Variants in TNC observed in about 807,000 individuals in gnomAD.
TNC encodes the protein tenascin.
TNC carries 109 observed loss-of-function variants against 202.4 expected under a neutral mutation model. That is an observed-to-expected ratio of 0.54 (90% CI 0.46 to 0.63). The LOEUF is 0.63. TNC is among the 30% of genes least tolerant of loss of function. The pLI, the probability that TNC is intolerant of heterozygous loss-of-function variation, is 0.00. For synonymous variants in TNC, 1,007 were observed against 1,089.7 expected (o/e 0.92, Z 1.50); for missense variants, 2,756 against 2,833.3 (o/e 0.97, Z 0.62).
At chr9:115,038,701 G>A (rs1830513903) in intron 19 of TNC, among the ~76,000 whole-genome samples, 1 of 152,218 alleles carries the variant, frequency 6.6e-6, no homozygotes, top group Non-Finnish European at 1.5e-5. Context: ...GAACAAGGCT[G>A]AACACATGAC....
In TNC at chr9:115,020,321, G is replaced by C. The variant is rs557268382; in HGVS notation, c.*836C>G. 2 of 150,498 alleles carry C rather than the reference G, an allele frequency of 1.3e-5. No homozygotes were observed. Among genetic ancestry groups the C allele is most frequent in the South Asian group, 2.1e-4 (1 of 4,764 alleles). The allele number at this position is 150,498 out of a possible 1,614,324, so 9.3% of individuals were successfully genotyped here. A position where few individuals can be genotyped will look rare whatever the true frequency, so the allele number is the denominator to read the frequency against. On this transcript the variant is annotated 3_prime_UTR_variant, in exon 28 of 28. Coordinates refer to ENST00000350763, the MANE Select transcript of TNC (RefSeq NM_002160.4). ...TCCCACCTTGGCCTCCCAAAGTGTT[G>C]GGATTACAGGCCTGGCCTGTAAGCT... is the stretch of plus-strand genomic sequence containing the variant.
rs150824308 is a variant in TNC, at chr9:115,029,329, T to G, written c.6169+31A>C. The G allele has an allele frequency of 3.6e-5, 58 of 1,605,392 alleles. No individual in the cohort carries two copies. In the Middle Eastern group the frequency reaches 6.6e-4, roughly 18 times the overall value. The stretch of plus-strand genomic sequence containing the variant: ...GTGACAAGGAGGGCAGAATCAGGCA[T>G]TTTAGATATAAACATGCAGGGCTGC... On this transcript the variant is annotated intron_variant, in intron 25 of 27. Transcript: ENST00000350763.
At chr9:115,036,306 C>A (rs1830329269) in intron 20 of TNC, 65 bp from the exon 21 acceptor site, 1 of 1,570,772 alleles carries the variant, frequency 6.4e-7, no homozygotes, top group Admixed American at 1.7e-5. Flanking sequence ...GTGGGCTTGG[C>A]AAACCACATA....
chr9:115,085,588 C>T (rs1429672878), intron 3 of TNC, among the ~76,000 whole-genome samples: 3 of 152,138 alleles, frequency 2.0e-5, no homozygotes, highest in Non-Finnish European at 2.9e-5. Context: ...GTTAGGCAGA[C>T]TTGAATACCA....
chr9:115,042,612 G>A (rs779840776), intron 17 of TNC, among the ~76,000 whole-genome samples: 27 of 152,292 alleles, frequency 1.8e-4, no homozygotes, highest in East Asian at 3.9e-4. Context: ...CCAAGGAATC[G>A]TGGGAGAATG....
chr9:115,105,881 T>C (rs1221324225), intron 1 of TNC, among the ~76,000 whole-genome samples: 3 of 152,194 alleles, frequency 2.0e-5, no homozygotes, highest in Non-Finnish European at 4.4e-5. Flanking sequence ...AATAGGTTCA[T>C]GCTCGTTGGA....
chr9:115,067,676 A>G (rs1833057388), intron 10 of TNC, among the ~76,000 whole-genome samples: 1 of 152,154 alleles, frequency 6.6e-6, no homozygotes, highest in African/African-American at 2.4e-5. Flanking sequence ...GATATTTAGT[A>G]TGCCACTGAT....
chr9:115,045,926 T>C (rs1287474331), intron 17 of TNC, among the ~76,000 whole-genome samples: 1 of 152,174 alleles, frequency 6.6e-6, no homozygotes, highest in Non-Finnish European at 1.5e-5. Context: ...ATAGACGTGC[T>C]GCTTCTCCAT....
At position 115,081,775 on chromosome 9, in the gene TNC, T is replaced by G; in HGVS notation, c.2401A>C (p.Thr801Pro). 6.2e-7 allele frequency: 1 copy of G among 1,614,028 alleles called. No individual in the cohort carries two copies. The highest frequency in any genetic ancestry group is 1.1e-5 in the South Asian group (1 of 91,082). ...RGPGLKRVTTTRLDAPSQIEV... is the reference protein window; with the variant it reads ...RGPGLKRVTTPRLDAPSQIEV... ...AAGTATTAAAGGTGATACTCACGTG[T>G]GGTGGTCACCCTCTTCAGGCCAGGG... The change falls in exon 6 of 28, where the codon ACA becomes CCA. Residue 801 changes from threonine to proline, a missense_variant. Thr to Pro is a conservative substitution (Grantham distance 38). Transcript: ENST00000350763.
At chr9:115,093,887 A>G (rs1270990375) in intron 1 of TNC, among the ~76,000 whole-genome samples, 1 of 152,030 alleles carries the variant, frequency 6.6e-6, no homozygotes. Context: ...GTTATTCTTG[A>G]GCATTGTGTA....
rs576488694 is a variant in TNC at position 115,066,704 on chromosome 9, T to C, written c.3215-1785A>G. 5.3e-5 allele frequency among the ~76,000 whole-genome samples: 8 copies of C among 152,348 alleles called. No homozygotes were observed. In the East Asian group the frequency reaches 1.3e-3, roughly 26 times the overall value. ...GCAAGCTAACAACAGTTTTTCTTAC[T>C]TTTTTACATGGTCGGGAAATAAATC... On this transcript the variant is annotated intron_variant, in intron 10 of 27. Transcript: ENST00000350763.
chr9:115,108,207 A>G (rs548565381), intron 1 of TNC, among the ~76,000 whole-genome samples: 1 of 152,302 alleles, frequency 6.6e-6, no homozygotes, highest in South Asian at 2.1e-4. Flanking sequence ...GATGAACAAG[A>G]GCAAATTTGC....
chr9:115,065,030 G>C (rs923934197), intron 10 of TNC, 111 bp from the exon 11 acceptor site: 11 of 1,283,214 alleles, frequency 8.6e-6, no homozygotes, highest in Admixed American at 4.3e-5. Flanking sequence ...TGCAGTCCAA[G>C]TGCCAGGCTT....
intron 26 of TNC, 104 bp from the exon 27 acceptor site, chr9:115,024,240 G>A: frequency 8.1e-7 from 1 of 1,230,448 alleles, no homozygotes; most frequent in Non-Finnish European, 1.2e-6. Context: ...TTCTGGGTGT[G>A]GGACTGGCCT....
chr9:115,073,459 T>A (rs1424612503), intron 10 of TNC, 144 bp downstream of exon 10: 1 of 912,032 alleles, frequency 1.1e-6, no homozygotes, highest in East Asian at 2.7e-5. Context: ...AGCAGCCCTT[T>A]CAAAGTGGTG....
At chr9:115,041,305 G>GGGC (rs1830726603) in intron 18 of TNC, among the ~76,000 whole-genome samples, 4 of 106,186 alleles carry the variant, frequency 3.8e-5, no homozygotes, top group South Asian at 5.7e-4. Flanking sequence ...AAAGCCAGGA[G>GGGC]GGGCGGGGGA....
In TNC at chr9:115,076,166, A is replaced by G. The variant is rs370822276; in HGVS notation, c.2861-45T>C. ...GTTGAGATTCATCCTGAAATCAGAG[A>G]GACTTTCAGAGGATGATAAAAATGG... On this transcript the variant is annotated intron_variant, in intron 8 of 27. Transcript: ENST00000350763. 1.6e-5 allele frequency: 25 copies of G among 1,574,514 alleles called. No individual in the cohort carries two copies. The African/African-American group carries it at 3.1e-4, about 20-fold the overall frequency.
In TNC at chr9:115,041,026, G is replaced by C. The variant is rs1316312715; in HGVS notation, c.5307C>G (p.Leu1769=). 6.2e-7 allele frequency: 1 copy of C among 1,614,122 alleles called. No individual in the cohort carries two copies. The highest frequency in any genetic ancestry group is 2.2e-5 in the East Asian group (1 of 44,862). The change falls in exon 19 of 28, where the codon CTC becomes CTG. Residue 1769 remains leucine, a synonymous_variant. Coordinates refer to ENST00000350763, the MANE Select transcript of TNC (RefSeq NM_002160.4). ...GTKTQTRLVK[L]IPGVEYLVSI... ...TGACAAGGTACTCCACGCCAGGTAT[G>C]AGTTTCACCAGCCTGGTCTGAGTCT... is the stretch of plus-strand genomic sequence containing the variant.
rs1755642 is a variant in TNC at position 115,085,590 on chromosome 9, T to C, written c.1867+274A>G. ...TCTATGTAGATGAGTTAGGCAGACT[T>C]GAATACCAGCTCTGTGATGTGTCAG... On this transcript the variant is annotated intron_variant, in intron 3 of 27. Coordinates refer to ENST00000350763, the MANE Select transcript of TNC (RefSeq NM_002160.4). Among the ~76,000 whole-genome samples the C allele has an allele frequency of 0.97, 148,449 of 152,256 alleles. 72,493 individuals are homozygous for C. Among genetic ancestry groups the C allele is most frequent in the East Asian group, 1 (5,174 of 5,174 alleles).
Sources: allele counts gnomAD v4.1 joint callset (sites outside exome capture counted in the v4.1 genomes callset), GRCh38; gene constraint gnomAD v4.1.1; transcripts MANE v1.5; gene names NCBI Gene and HGNC (gene_info 2026-07-23, HGNC 2026-07-21).